CSMD2: variants seen among roughly 807,000 people sequenced by gnomAD.
The protein encoded by CSMD2 is CUB and Sushi multiple domains 2.
A neutral mutation model predicts 398.5 loss-of-function variants in CSMD2; 130 were observed. The observed-to-expected ratio is 0.33, with a 90% CI of 0.28 to 0.38. The LOEUF (loss-of-function observed/expected upper bound fraction) is 0.38. Among genes scored for constraint, CSMD2 ranks in the 10% least tolerant of loss-of-function variants. CSMD2 has a pLI of 1.00. For missense variants in CSMD2, 3,829 were observed against 4,764.9 expected (o/e 0.80, Z 5.78); for synonymous variants, 1,828 against 1,908.5 (o/e 0.96, Z 1.10).
At chr1:34,013,305 C>G (rs560915262) in intron 3 of CSMD2, among the ~76,000 whole-genome samples, 1 of 152,188 alleles carries the variant, frequency 6.6e-6, no homozygotes, top group African/African-American at 2.4e-5. Flanking sequence ...CCTTTGTCTG[C>G]GCTGCCATCT....
At chr1:34,094,859 A>C (rs1659090923) in intron 1 of CSMD2, among the ~76,000 whole-genome samples, 1 of 150,138 alleles carries the variant, frequency 6.7e-6, no homozygotes, top group East Asian at 2.0e-4. Flanking sequence ...ACGAGACAGA[A>C]AGTCAACAAG....
At chr1:34,008,840 T>C (rs1647147902) in intron 3 of CSMD2, among the ~76,000 whole-genome samples, 1 of 152,194 alleles carries the variant, frequency 6.6e-6, no homozygotes, top group South Asian at 2.1e-4. Flanking sequence ...CTCAAGTGCT[T>C]TGCATACAGT....
chr1:33,626,810 G>A (rs1472886584), intron 32 of CSMD2, among the ~76,000 whole-genome samples: 1 of 152,192 alleles, frequency 6.6e-6, no homozygotes, highest in African/African-American at 2.4e-5. Flanking sequence ...GTCACTGTGA[G>A]GTTGGCATGA....
intron 28 of CSMD2, among the ~76,000 whole-genome samples, chr1:33,649,831 C>G (rs1345714191): frequency 1.3e-5 from 2 of 152,058 alleles, no homozygotes; most frequent in East Asian, 3.9e-4. Context: ...AGATATATAG[C>G]AGGGGGAGGA....
intron 5 of CSMD2, among the ~76,000 whole-genome samples, chr1:33,861,543 T>C (rs1639509616): frequency 6.6e-6 from 1 of 152,210 alleles, no homozygotes; most frequent in African/African-American, 2.4e-5. Context: ...GCAGGCATGC[T>C]TGCTCTAGGC....
At chr1:34,141,443 A>T (rs969639389) in intron 1 of CSMD2, among the ~76,000 whole-genome samples, 1 of 152,144 alleles carries the variant, frequency 6.6e-6, no homozygotes, top group African/African-American at 2.4e-5. Context: ...AAGCGAAGGA[A>T]GGGATTACTG....
At chr1:33,850,931 G>A (rs1638660844) in intron 5 of CSMD2, among the ~76,000 whole-genome samples, 1 of 152,150 alleles carries the variant, frequency 6.6e-6, no homozygotes, top group Non-Finnish European at 1.5e-5. Flanking sequence ...AGAGCTCAGA[G>A]CAGATTTTGT....
chr1:33,762,862 G>A (rs1650004515), intron 13 of CSMD2, among the ~76,000 whole-genome samples: 1 of 152,102 alleles, frequency 6.6e-6, no homozygotes, highest in South Asian at 2.1e-4. Context: ...GAGTGTAATG[G>A]CCAGTACATA....
chr1:34,004,162 T>C (rs2148043462), intron 3 of CSMD2, among the ~76,000 whole-genome samples: 1 of 152,320 alleles, frequency 6.6e-6, no homozygotes, highest in South Asian at 2.1e-4. Flanking sequence ...TTCTCTAGGA[T>C]CATGTGAATC....
intron 1 of CSMD2, among the ~76,000 whole-genome samples, chr1:34,130,074 G>C (rs530795692): frequency 7.9e-5 from 12 of 152,236 alleles, no homozygotes; most frequent in African/African-American, 2.9e-4. Flanking sequence ...ACTCCACCCT[G>C]TGCCTTTCAT....
chr1:33,693,798 C>T (rs1645323536), intron 24 of CSMD2, among the ~76,000 whole-genome samples: 2 of 152,120 alleles, frequency 1.3e-5, no homozygotes, highest in African/African-American at 4.8e-5. Flanking sequence ...TGGCTCATCC[C>T]TGTAATCTCA....
At chr1:33,774,641 A>G (rs1651730741) in intron 12 of CSMD2, among the ~76,000 whole-genome samples, 1 of 152,178 alleles carries the variant, frequency 6.6e-6, no homozygotes, top group East Asian at 1.9e-4. Context: ...GAACCCAGAT[A>G]TAAGGTTTCC....
intron 10 of CSMD2, among the ~76,000 whole-genome samples, chr1:33,797,630 C>T (rs531177028): frequency 6.6e-6 from 1 of 152,330 alleles, no homozygotes; most frequent in East Asian, 1.9e-4. Flanking sequence ...TGACTTAAGC[C>T]TCTGTTTTCT....
intron 7 of CSMD2, among the ~76,000 whole-genome samples, chr1:33,820,774 G>A (rs563524421): frequency 4.2e-4 from 64 of 152,118 alleles, no homozygotes; most frequent in African/African-American, 1.5e-3. Context: ...ATTCCTTTGT[G>A]AGCAAAGTCA....
At chr1:33,604,915 G>C (rs1230708477) in intron 42 of CSMD2, among the ~76,000 whole-genome samples, 3 of 152,166 alleles carry the variant, frequency 2.0e-5, no homozygotes, top group African/African-American at 7.2e-5. Flanking sequence ...CAGGTGCCTG[G>C]ATTAACTCTA....
chr1:33,987,219 A>T (rs914622564), intron 3 of CSMD2, among the ~76,000 whole-genome samples: 1 of 152,108 alleles, frequency 6.6e-6, no homozygotes, highest in Non-Finnish European at 1.5e-5. Context: ...CAATTCCCTT[A>T]TCTATAAAAC....
chr1:33,643,479 T>C (rs1643228941), intron 29 of CSMD2, among the ~76,000 whole-genome samples: 1 of 152,140 alleles, frequency 6.6e-6, no homozygotes, highest in Non-Finnish European at 1.5e-5. Context: ...GGGATGAAAG[T>C]GGGTGGATCA....
rs771828496 is a variant in CSMD2, at chr1:33,605,295, C to T, written c.6519G>A (p.Leu2173=). 1 of 1,614,040 alleles carries T rather than the reference C, an allele frequency of 6.2e-7. No individual in the cohort carries two copies. The highest frequency in any genetic ancestry group is 1.7e-5 in the Admixed American group (1 of 60,022). The change falls in exon 42 of 71, where the codon CTG becomes CTA. Residue 2173 remains leucine (L), a synonymous_variant. Coordinates refer to ENST00000373381, the MANE Select transcript of CSMD2 (RefSeq NM_001281956.2). ...GGAGCGACATACCTTCACACTTGGGCAGGGGGTGGTCCCAGTTCCGGTTGG... is the reference window on the plus strand; with the variant it reads ...GGAGCGACATACCTTCACACTTGGGTAGGGGGTGGTCCCAGTTCCGGTTGG... ...HGTNRNWDHP[L]PKCEVPCGGN...
In CSMD2 at chr1:33,518,870, C is replaced by A. The variant is rs1026148015; in HGVS notation, c.*53+595G>T. On this transcript the variant is annotated intron_variant, in intron 70 of 70. Coordinates refer to ENST00000373381, the MANE Select transcript of CSMD2 (RefSeq NM_001281956.2). This position sits in a 1 kb window ranked among gnomAD's most constrained non-coding sequence, Gnocchi z 4.3. ...TATATAACATTTACATATAGCTCTA[C>A]GGAGATGCGTATCTATATATAGATG... is the stretch of plus-strand genomic sequence containing the variant. Among the ~76,000 whole-genome samples, 1 of 152,054 alleles carries A rather than the reference C, an allele frequency of 6.6e-6. No homozygotes were observed. The highest frequency in any genetic ancestry group is 1.5e-5 in the Non-Finnish European group (1 of 68,038).
Sources: allele counts gnomAD v4.1 joint callset (sites outside exome capture counted in the v4.1 genomes callset), GRCh38; gene constraint gnomAD v4.1.1; non-coding constraint Gnocchi (gnomAD v3.1); transcripts MANE v1.5; gene names NCBI Gene and HGNC (gene_info 2026-07-23, HGNC 2026-07-21).